Variants in GRIK4 observed in about 807,000 individuals in gnomAD.
GRIK4 encodes glutamate receptor ionotropic, kainate 4.
A neutral mutation model predicts 104.9 loss-of-function variants in GRIK4; 40 were observed. That is an observed-to-expected ratio of 0.38 (90% confidence interval 0.30 to 0.50). GRIK4 has a LOEUF of 0.50. Ranked by LOEUF, GRIK4 falls within the 20% of genes least tolerant of loss-of-function variation. GRIK4 has a pLI of 0.93. For missense variants in GRIK4, 1,047 were observed against 1,308.1 expected (o/e 0.80, Z 3.08); for synonymous variants, 485 against 524.9 (o/e 0.92, Z 1.04).
chr11:120,574,243 C>T (rs1352294227), intron 1 of GRIK4, among the ~76,000 whole-genome samples: 1 of 152,110 alleles, frequency 6.6e-6, no homozygotes, highest in African/African-American at 2.4e-5. Context: ...GGGACTGTGC[C>T]GGGAGCAGCC....
intron 1 of GRIK4, among the ~76,000 whole-genome samples, chr11:120,531,664 C>T (rs1947925358): frequency 1.3e-5 from 2 of 152,216 alleles, no homozygotes; most frequent in Middle Eastern, 3.4e-3. Context: ...GAACCTCTGC[C>T]TCCCAGGTTC....
intron 3 of GRIK4, among the ~76,000 whole-genome samples, chr11:120,680,891 G>A (rs1950182439): frequency 6.6e-6 from 1 of 152,302 alleles, no homozygotes; most frequent in Non-Finnish European, 1.5e-5. Context: ...TAACACTAAC[G>A]TTGAGTCTCT....
In GRIK4 at chr11:120,985,968, ACCCCCGCCGGCGGCGCGCCGCAGTC is replaced by A; in HGVS notation, c.2582_2606del (p.Pro861ArgfsTer186). ...ATTATCCTGTGTCAGGACAGTATCC[ACCCCCGCCGGCGGCGCGCCGCAGTC>A]CCGCCGCCCCGGCCCCCCATCCCCG... On this transcript the variant is annotated frameshift_variant, in exon 21 of 21. Transcript: ENST00000527524. LOFTEE classifies it high-confidence loss of function. 2 of 1,526,710 alleles carry A rather than the reference ACCCCCGCCGGCGGCGCGCCGCAGTC, an allele frequency of 1.3e-6. No individual in the cohort carries two copies. The highest frequency in any genetic ancestry group is 1.8e-6 in the Non-Finnish European group (2 of 1,137,638). 94.6% of individuals were successfully genotyped at this position (1,526,710 alleles called of 1,614,324 possible). A position where few individuals can be genotyped will look rare whatever the true frequency, so the allele number is the denominator to read the frequency against.
chr11:120,722,930 GT>G (rs1304054022), intron 3 of GRIK4, among the ~76,000 whole-genome samples: 3 of 152,186 alleles, frequency 2.0e-5, no homozygotes, highest in Non-Finnish European at 2.9e-5. Flanking sequence ...CCTTAATGAA[GT>G]TTAAAAGGGG....
intron 3 of GRIK4, 49 bp downstream of exon 3, chr11:120,660,449 G>A: frequency 2.2e-6 from 3 of 1,385,402 alleles, no homozygotes; most frequent in Middle Eastern, 1.8e-4. Flanking sequence ...TATCCCAGGT[G>A]TCCACAAGGG....
At position 120,830,614 on chromosome 11, in the gene GRIK4, C is replaced by T. The variant is rs145283852; in HGVS notation, c.512-1238C>T. ...CAAAGCCAACCTTTCCCTCGCCATC[C>T]CAGTGTGTGAGGCCAGTTGCTCGTC... On this transcript the variant is annotated intron_variant, in intron 6 of 20. Coordinates refer to ENST00000527524, the MANE Select transcript of GRIK4 (RefSeq NM_014619.5). 1.1e-3 allele frequency among the ~76,000 whole-genome samples: 175 copies of T among 152,264 alleles called. 2 individuals carry two copies. Among genetic ancestry groups the T allele is most frequent in the African/African-American group, 3.9e-3 (161 of 41,550 alleles).
chr11:120,661,518 G>C (rs1472723502), intron 3 of GRIK4, among the ~76,000 whole-genome samples: 1 of 152,226 alleles, frequency 6.6e-6, no homozygotes, highest in Non-Finnish European at 1.5e-5. Flanking sequence ...GGCTGACTTA[G>C]AGCAAAGATG....
intron 4 of GRIK4, among the ~76,000 whole-genome samples, chr11:120,806,852 G>A (rs1352448340): frequency 1.3e-5 from 2 of 152,168 alleles, no homozygotes; most frequent in African/African-American, 4.8e-5. Flanking sequence ...GCTCTGAGAT[G>A]GAAAGTATCA....
intron 1 of GRIK4, among the ~76,000 whole-genome samples, chr11:120,601,094 A>G (rs369191554): frequency 2.0e-5 from 3 of 150,616 alleles, no homozygotes; most frequent in African/African-American, 7.4e-5. Flanking sequence ...TACAGCACCC[A>G]CATTTTGGAC....
At chr11:120,670,730 A>G (rs1950001794) in intron 3 of GRIK4, among the ~76,000 whole-genome samples, 1 of 151,736 alleles carries the variant, frequency 6.6e-6, no homozygotes, top group Non-Finnish European at 1.5e-5. Flanking sequence ...TTATACTTTA[A>G]GTTCTGGGAT....
At chr11:120,925,108 G>T (rs949579404) in intron 13 of GRIK4, among the ~76,000 whole-genome samples, 2 of 152,146 alleles carry the variant, frequency 1.3e-5, no homozygotes, top group Admixed American at 1.3e-4. Context: ...TAGGGGATGG[G>T]GTGAAAAAGT....
intron 3 of GRIK4, among the ~76,000 whole-genome samples, chr11:120,719,505 C>G (rs1026286800): frequency 6.6e-6 from 1 of 152,118 alleles, no homozygotes; most frequent in Admixed American, 6.5e-5. Flanking sequence ...CTGGTAAAGT[C>G]AGACTGTTGA....
chr11:120,961,701 A>G (rs1049523807), intron 17 of GRIK4, among the ~76,000 whole-genome samples: 1 of 152,256 alleles, frequency 6.6e-6, no homozygotes, highest in African/African-American at 2.4e-5. Flanking sequence ...CAAGACTGAC[A>G]GCCAGACCAG....
chr11:120,664,787 G>A (rs181531203), intron 3 of GRIK4, among the ~76,000 whole-genome samples: 85 of 152,290 alleles, frequency 5.6e-4, no homozygotes, highest in African/African-American at 2.0e-3. Context: ...TTCTTAAAGG[G>A]CACAAAGTCT....
chr11:120,628,048 G>T (rs1260076628), intron 1 of GRIK4, among the ~76,000 whole-genome samples: 1 of 152,212 alleles, frequency 6.6e-6, no homozygotes, highest in African/African-American at 2.4e-5. Context: ...GGCACAAAGG[G>T]CTGTATGAGT....
intron 3 of GRIK4, among the ~76,000 whole-genome samples, chr11:120,748,097 T>C (rs1022073952): frequency 1.3e-5 from 2 of 152,200 alleles, no homozygotes; most frequent in African/African-American, 4.8e-5. Context: ...AGGAGCAGCC[T>C]TCAGCCTCTC....
intron 3 of GRIK4, among the ~76,000 whole-genome samples, chr11:120,736,447 T>TCGCG (rs148397651): frequency 0.18 from 13,532 of 75,122 alleles, 851 homozygotes; most frequent in Middle Eastern, 0.33. Context: ...TCTACCTAGG[T>TCGCG]CACTCCAGTC....
intron 8 of GRIK4, among the ~76,000 whole-genome samples, chr11:120,857,457 C>T (rs1298561329): frequency 6.6e-6 from 1 of 151,940 alleles, no homozygotes; most frequent in African/African-American, 2.4e-5. Context: ...TGGACCCTTA[C>T]ATACCATTGT....
intron 1 of GRIK4, among the ~76,000 whole-genome samples, chr11:120,643,058 A>G (rs1565586461): frequency 6.6e-6 from 1 of 152,166 alleles, no homozygotes; most frequent in African/African-American, 2.4e-5. Flanking sequence ...AGCACCCACT[A>G]TGTATGGCAG....
Sources: allele counts gnomAD v4.1 joint callset (sites outside exome capture counted in the v4.1 genomes callset), GRCh38; gene constraint gnomAD v4.1.1; transcripts MANE v1.5; gene names NCBI Gene and HGNC (gene_info 2026-07-23, HGNC 2026-07-21).